Variants in ENTREP2 observed in about 807,000 individuals in gnomAD.
ENTREP2 encodes protein ENTREP2.
the ENTREP2 span, chr15:29,123,245 T>C: frequency 7.6e-7 from 1 of 1,315,550 alleles, no homozygotes; most frequent in Non-Finnish European, 1.0e-6. Flanking sequence ...TCCGCCAAGC[T>C]GGGCCTGAAG....
chr15:29,477,284 T>C, the ENTREP2 span, among the ~76,000 whole-genome samples: 10 of 152,282 alleles, frequency 6.6e-5, no homozygotes, highest in African/African-American at 1.2e-4. Context: ...AAGGGGGACC[T>C]TGAGGTGCAA....
chr15:29,561,901 G>T, the ENTREP2 span, among the ~76,000 whole-genome samples: 1 of 152,120 alleles, frequency 6.6e-6, no homozygotes. Context: ...AGGGGAAATG[G>T]TGAATTTAAA....
At chr15:29,657,483 C>CGGGGTGG in the ENTREP2 span, among the ~76,000 whole-genome samples, 7 of 69,384 alleles carry the variant, frequency 1.0e-4, no homozygotes, top group African/African-American at 3.6e-4. Flanking sequence ...GCTGGGGGGG[C>CGGGGTGG]GGGGGGGGGG....
At chr15:29,625,373 G>C in the ENTREP2 span, among the ~76,000 whole-genome samples, 5 of 152,140 alleles carry the variant, frequency 3.3e-5, no homozygotes, top group African/African-American at 1.2e-4. Context: ...TCACTACTGG[G>C]TTGTATTGTT....
At chr15:29,227,666 C>T in the ENTREP2 span, among the ~76,000 whole-genome samples, 3,612 of 152,028 alleles carry the variant, frequency 0.024, 149 homozygotes, top group African/African-American at 0.082. Context: ...AAGGAGAAGA[C>T]GGAAGGAAAG....
the ENTREP2 span, among the ~76,000 whole-genome samples, chr15:29,200,169 T>G: frequency 6.6e-6 from 1 of 152,122 alleles, no homozygotes; most frequent in African/African-American, 2.4e-5. Context: ...CAAAATTATT[T>G]GTCTCTCCAT....
At chr15:29,299,524 T>C in the ENTREP2 span, among the ~76,000 whole-genome samples, 1 of 152,104 alleles carries the variant, frequency 6.6e-6, no homozygotes, top group Non-Finnish European at 1.5e-5. Context: ...TCCTTCTGTC[T>C]GGGGCCTTCT....
the ENTREP2 span, among the ~76,000 whole-genome samples, chr15:29,443,956 T>G: frequency 2.0e-5 from 3 of 151,816 alleles, no homozygotes; most frequent in South Asian, 2.1e-4. Context: ...TAGAAAACAT[T>G]AGCCAGGCGT....
chr15:29,401,459 T>G, the ENTREP2 span, among the ~76,000 whole-genome samples: 1 of 152,212 alleles, frequency 6.6e-6, no homozygotes. Context: ...ATAAGTATTT[T>G]TTTCAACGAG....
At chr15:29,123,867 G>A in the ENTREP2 span, among the ~76,000 whole-genome samples, 4 of 152,126 alleles carry the variant, frequency 2.6e-5, no homozygotes, top group Non-Finnish European at 4.4e-5. Flanking sequence ...CAGCCTCCAG[G>A]AGCGAAGGCC....
chr15:29,646,385 G>A, the ENTREP2 span, among the ~76,000 whole-genome samples: 5 of 152,124 alleles, frequency 3.3e-5, no homozygotes, highest in Non-Finnish European at 5.9e-5. Flanking sequence ...GCACAGTTCC[G>A]TTCCATACAG....
the ENTREP2 span, chr15:29,269,354 C>T: frequency 1.2e-5 from 19 of 1,614,158 alleles, no homozygotes; most frequent in South Asian, 2.0e-4. Context: ...TCCTTGTAGT[C>T]CCCGATGACG....
At chr15:29,495,154 A>G in the ENTREP2 span, among the ~76,000 whole-genome samples, 3 of 152,240 alleles carry the variant, frequency 2.0e-5, no homozygotes, top group Non-Finnish European at 4.4e-5. Flanking sequence ...TTACATTCCC[A>G]GCATCAATAT....
At chr15:29,551,047 C>A in the ENTREP2 span, among the ~76,000 whole-genome samples, 1,265 of 152,306 alleles carry the variant, frequency 8.3e-3, 20 homozygotes, top group African/African-American at 0.029. Context: ...CAATCGGCCT[C>A]CAGCAGAGAA....
the ENTREP2 span, among the ~76,000 whole-genome samples, chr15:29,254,081 C>A: frequency 6.8e-6 from 1 of 146,086 alleles, no homozygotes; most frequent in African/African-American, 2.5e-5. Flanking sequence ...TGAAGAAAGA[C>A]CCTTTTTGTG....
chr15:29,262,443 C>T, the ENTREP2 span, among the ~76,000 whole-genome samples: 4 of 152,282 alleles, frequency 2.6e-5, no homozygotes, highest in East Asian at 1.9e-4. Context: ...AGCTCGTGTG[C>T]GTTTTTGTCC....
the ENTREP2 span, among the ~76,000 whole-genome samples, chr15:29,582,102 C>T: frequency 1.2e-4 from 19 of 152,072 alleles, no homozygotes; most frequent in South Asian, 4.2e-4. Context: ...CCACCATGCC[C>T]GGCTAATTTT....
chr15:29,220,339 C>T, the ENTREP2 span, among the ~76,000 whole-genome samples: 1 of 152,230 alleles, frequency 6.6e-6, no homozygotes, highest in Non-Finnish European at 1.5e-5. Flanking sequence ...TGTCCAAGCT[C>T]ATTAGAATTT....
chr15:29,655,592 G>A, the ENTREP2 span, among the ~76,000 whole-genome samples: 1 of 152,014 alleles, frequency 6.6e-6, no homozygotes, highest in Non-Finnish European at 1.5e-5. Context: ...TGTCAGACAG[G>A]AAATTTAAGA....
Sources: gnomAD v4.1 joint callset for allele counts (sites outside exome capture counted in the v4.1 genomes callset) on GRCh38, gnomAD v4.1.1 for gene constraint, MANE v1.5 for transcripts, NCBI Gene and HGNC (gene_info 2026-07-23, HGNC 2026-07-21) for gene names.